Variants in NSD2 observed in about 807,000 individuals in gnomAD.
NSD2 encodes nuclear receptor binding SET domain protein 2.
In NSD2, 12 loss-of-function variants were observed where a neutral mutation model predicts 139.0. The ratio of observed to expected loss-of-function variants is 0.09; its 90% CI spans 0.06 to 0.14. NSD2 has a LOEUF of 0.14. NSD2 is among the 10% of genes least tolerant of loss of function. NSD2 has a pLI of 1.00. For synonymous variants in NSD2, 669 were observed against 648.7 expected, an observed-to-expected ratio of 1.03 and a Z score of -0.48; for missense variants, 1,155 against 1,745.0, an observed-to-expected ratio of 0.66 and a Z score of 6.02.
chr4:1,937,935 G>C (rs950448911), intron 7 of NSD2, among the ~76,000 whole-genome samples: 1 of 152,146 alleles, frequency 6.6e-6, no homozygotes, highest in African/African-American at 2.4e-5. Flanking sequence ...GGTGTATCTG[G>C]TGTTTGTCTA....
chr4:1,965,726 A>T (rs1326558465), intron 18 of NSD2, among the ~76,000 whole-genome samples: 1 of 152,218 alleles, frequency 6.6e-6, no homozygotes, highest in Non-Finnish European at 1.5e-5. Context: ...GCCTCAAGAA[A>T]CTTACCATCA....
chr4:1,872,587 T>A (rs35322066), intron 1 of NSD2, among the ~76,000 whole-genome samples: 763 of 49,904 alleles, frequency 0.015, 5 homozygotes, highest in East Asian at 0.077. Flanking sequence ...TGTGTGTGTG[T>A]GTGTGAGAGA....
intron 1 of NSD2, among the ~76,000 whole-genome samples, chr4:1,890,119 A>T (rs568834373): frequency 6.6e-6 from 1 of 152,108 alleles, no homozygotes; most frequent in Non-Finnish European, 1.5e-5. Flanking sequence ...ACTTAGCATC[A>T]TGTTTATCTA....
At position 1,980,965 on chromosome 4, in the gene NSD2, C is replaced by T. The variant is rs1727702256; in HGVS notation, c.*2056C>T. ...CCACACACACCTTAGAGTCGAAGGCCCCAGGGCCCCGCTGTCACTTGCCCA... is the reference window on the plus strand; with the variant it reads ...CCACACACACCTTAGAGTCGAAGGCTCCAGGGCCCCGCTGTCACTTGCCCA... On this transcript the variant is annotated 3_prime_UTR_variant, in exon 22 of 22. Transcript: ENST00000508803. 4.3e-6 allele frequency: 1 copy of T among 233,156 alleles called. No individual in the cohort carries two copies. The highest frequency in any genetic ancestry group is 2.2e-5 in the African/African-American group (1 of 45,338). The allele number at this position is 233,156 out of a possible 1,614,324, so 14.4% of individuals were successfully genotyped here.
intron 18 of NSD2, among the ~76,000 whole-genome samples, chr4:1,966,093 A>T (rs1217315648): frequency 6.6e-6 from 1 of 152,232 alleles, no homozygotes; most frequent in African/African-American, 2.4e-5. Flanking sequence ...GTATGCAGTA[A>T]AACTGTCTTT....
chr4:1,904,058 G>A (rs953839627), intron 2 of NSD2, among the ~76,000 whole-genome samples, 158 bp from the exon 3 acceptor site: 1 of 152,146 alleles, frequency 6.6e-6, no homozygotes, highest in South Asian at 2.1e-4. Flanking sequence ...TTGATGAAAC[G>A]ATGTTGAGGC....
chr4:1,904,223 C>T lies in NSD2; in HGVS notation c.605C>T (p.Ala202Val). ...TCTGTTGTTCATTTTCAGATTCCAG[C>T]TAAGAAAGAGTCTTGTCCAAACACT... ...ISSPSDKKIPAKKESCPNTGR... is the reference protein window; with the variant it reads ...ISSPSDKKIPVKKESCPNTGR... The change falls in exon 3 of 22, where the codon GCT (alanine) becomes GTT (valine). Residue 202 changes from alanine to valine, a missense_variant. This residue lies in a region of NSD2 where 246 missense variants were observed against 262.8 expected (regional missense o/e 0.94). Transcript: ENST00000508803. 6.2e-7 allele frequency: 1 copy of T among 1,612,674 alleles called. No homozygotes were observed. The highest frequency in any genetic ancestry group is 8.5e-7 in the Non-Finnish European group (1 of 1,179,152).
At position 1,948,672 on chromosome 4, in the gene NSD2, C is replaced by T. The variant is rs1252437622; in HGVS notation, c.1882-2400C>T. The T allele has an allele frequency of 1.9e-6, 2 of 1,057,192 alleles. No individual in the cohort carries two copies. The highest frequency in any genetic ancestry group is 2.3e-6 in the Non-Finnish European group (2 of 873,196). 65.5% of individuals were successfully genotyped at this position (1,057,192 alleles called of 1,614,324 possible). On this transcript the variant is annotated intron_variant, in intron 9 of 21. Coordinates refer to ENST00000508803, the MANE Select transcript of NSD2 (RefSeq NM_001042424.3). This position sits in a 1 kb window ranked among gnomAD's most constrained non-coding sequence, Gnocchi z 4.5. ...ATCAGGAAATGAGCCTCATGTGTGT[C>T]GTTAACATTTATATATTTCCATTCA... is the stretch of plus-strand genomic sequence containing the variant.
intron 3 of NSD2, among the ~76,000 whole-genome samples, chr4:1,915,206 C>T (rs568442181): frequency 6.7e-6 from 1 of 148,630 alleles, no homozygotes; most frequent in East Asian, 2.0e-4. Flanking sequence ...AGCTCCGCCT[C>T]CTGGGTTCAC....
chr4:1,969,374 C>T (rs1032268924), intron 18 of NSD2, among the ~76,000 whole-genome samples: 17 of 152,134 alleles, frequency 1.1e-4, no homozygotes, highest in Admixed American at 4.6e-4. Context: ...CCAAGAAATC[C>T]GACTTCTTCA....
Position 1,979,050 on chromosome 4 carries a change from C to A in NSD2, c.*141C>A. On this transcript the variant is annotated 3_prime_UTR_variant, in exon 22 of 22. Transcript: ENST00000508803. Reference sequence around the variant, plus strand: ...ACGTACAGGCCTCCTCGGGAGGGAGCGCCTCCCCACCACTGAGCCATCCTC... The same window carrying A: ...ACGTACAGGCCTCCTCGGGAGGGAGAGCCTCCCCACCACTGAGCCATCCTC... 1 of 1,081,470 alleles carries A rather than the reference C, an allele frequency of 9.2e-7. No homozygotes were observed. The highest frequency in any genetic ancestry group is 1.3e-6 in the Non-Finnish European group (1 of 793,964). 67.0% of individuals were successfully genotyped at this position (1,081,470 alleles called of 1,614,324 possible).
At chr4:1,876,209 T>C (rs1379831985) in intron 1 of NSD2, among the ~76,000 whole-genome samples, 1 of 151,624 alleles carries the variant, frequency 6.6e-6, no homozygotes, top group African/African-American at 2.4e-5. Flanking sequence ...GCAAGACCCC[T>C]GTCTCAAAAA....
At chr4:1,945,990 A>G (rs1723588663) in intron 9 of NSD2, 1 of 1,047,690 alleles carries the variant, frequency 9.5e-7, no homozygotes, top group African/African-American at 1.7e-5. Context: ...TTGTATACAG[A>G]CCAGGTGAGA....
In NSD2 at chr4:1,974,129, C is replaced by T. The variant is rs914399086; in HGVS notation, c.3373-734C>T. 2.0e-5 allele frequency among the ~76,000 whole-genome samples: 3 copies of T among 152,120 alleles called. No homozygotes were observed. Among genetic ancestry groups the T allele is most frequent in the Admixed American group, 1.3e-4 (2 of 15,272 alleles). On this transcript the variant is annotated intron_variant, in intron 18 of 21. Coordinates refer to ENST00000508803, the MANE Select transcript of NSD2 (RefSeq NM_001042424.3). The surrounding 1 kb of genome is among the most constrained non-coding windows in gnomAD (Gnocchi z 4.0). ...TGCAAAGTCAGAGCTCACTGTCACT[C>T]GGATCTGCATTTCTCCACCTCTGCC...
At chr4:1,935,288 C>A in intron 7 of NSD2, 26 bp downstream of exon 7, 1 of 1,575,654 alleles carries the variant, frequency 6.3e-7, no homozygotes, top group South Asian at 1.1e-5. Flanking sequence ...GTTTGCTTGA[C>A]CTGTCAGAGT....
chr4:1,939,591 T>C (rs1201712865), intron 8 of NSD2, 63 bp from the exon 9 acceptor site: 1 of 1,527,854 alleles, frequency 6.5e-7, no homozygotes, highest in Admixed American at 1.7e-5. Context: ...GGGGTAATTT[T>C]TAAGCAGTAA....
At chr4:1,934,905 A>ATATATG (rs1383288554) in intron 6 of NSD2, among the ~76,000 whole-genome samples, 1 of 131,614 alleles carries the variant, frequency 7.6e-6, no homozygotes, top group African/African-American at 2.9e-5. Flanking sequence ...ATATATATAT[A>ATATATG]TATAAAAAAC....
chr4:1,957,748 C>G (rs1724977329), intron 15 of NSD2, among the ~76,000 whole-genome samples, 185 bp from the exon 16 acceptor site: 1 of 152,136 alleles, frequency 6.6e-6, no homozygotes, highest in African/African-American at 2.4e-5. Context: ...CACTCCTTTG[C>G]CTCACACACT....
At chr4:1,940,973 C>T (rs1331556910) in intron 9 of NSD2, 6 of 1,057,544 alleles carry the variant, frequency 5.7e-6, no homozygotes, top group Non-Finnish European at 6.9e-6. Flanking sequence ...GACCTGTTCA[C>T]GGATGGTGGG....
Sources: allele counts gnomAD v4.1 joint callset (sites outside exome capture counted in the v4.1 genomes callset), GRCh38; gene constraint gnomAD v4.1.1; regional missense constraint gnomAD v4.1.1; non-coding constraint Gnocchi (gnomAD v3.1); transcripts MANE v1.5; gene names NCBI Gene and HGNC (gene_info 2026-07-23, HGNC 2026-07-21).